The following RSL1D1 variants were observed in gnomAD, a reference collection of about 807,000 sequenced individuals.
RSL1D1 encodes the protein ribosomal L1 domain containing 1.
In RSL1D1, 34 loss-of-function variants were observed where a neutral mutation model predicts 44.6. That is an observed-to-expected ratio of 0.76 (90% CI 0.58 to 1.02). The LOEUF (loss-of-function observed/expected upper bound fraction) is 1.02. RSL1D1 is among the 50% of genes least tolerant of loss of function. The pLI is 0.00. For missense variants in RSL1D1, 767 were observed against 568.1 expected, an observed-to-expected ratio of 1.35 and a Z score of -3.56; for synonymous variants, 271 against 207.4, an observed-to-expected ratio of 1.31 and a Z score of -2.63.
At chr16:11,839,506 C>T (rs1338533056) in intron 8 of RSL1D1, among the ~76,000 whole-genome samples, 189 bp downstream of exon 8, 1 of 124,234 alleles carries the variant, frequency 8.0e-6, no homozygotes, top group Non-Finnish European at 1.6e-5. Context: ...CCGGTCTGGG[C>T]AATATAGCAA....
At position 11,851,481 on chromosome 16, in the gene RSL1D1, G is replaced by A. The variant is rs73509779; in HGVS notation, c.32C>T (p.Ser11Phe). ...GGTGGAGGTTCCAGTAGCGGCTGCA[G>A]AAGACAGCGAGGCCGAGGCCGAATC... Reference protein sequence around the residue: MEDSASASLSSAAATGTSTST... With the variant: MEDSASASLSFAAATGTSTST... The change falls in exon 1 of 9, where the codon TCT becomes TTT. Residue 11 changes from serine (S) to phenylalanine (F), a missense_variant. Physicochemically the swap from Ser to Phe is radical, Grantham distance 155. Coordinates refer to ENST00000571133, the MANE Select transcript of RSL1D1 (RefSeq NM_015659.3). 888 of 1,614,046 alleles carry A rather than the reference G, an allele frequency of 5.5e-4. 9 individuals are homozygous for A. The African/African-American group carries it at 0.01, about 19-fold the overall frequency.
Position 11,836,539 on chromosome 16 carries a change from A to C in RSL1D1, c.*1248T>G, listed in dbSNP as rs2053720537. ...ACTTGACAATTGTGGAAACGTTAGCAATCTACTCTTCCAAGATTCCTTGGA... is the reference window on the plus strand; with the variant it reads ...ACTTGACAATTGTGGAAACGTTAGCCATCTACTCTTCCAAGATTCCTTGGA... On this transcript the variant is annotated 3_prime_UTR_variant, in exon 9 of 9. Transcript: ENST00000571133. 2 of 152,250 alleles carry C rather than the reference A, an allele frequency of 1.3e-5. No individual in the cohort carries two copies. Among genetic ancestry groups the C allele is most frequent in the South Asian group, 4.1e-4 (2 of 4,834 alleles). The allele number at this position is 152,250 out of a possible 1,614,324, so 9.4% of individuals were successfully genotyped here.
rs369228817 is a variant in RSL1D1 at position 11,838,320 on chromosome 16, C to G, written c.1147-207G>C. Among the ~76,000 whole-genome samples the G allele has an allele frequency of 2.1e-4, 32 of 152,076 alleles. 2 individuals are homozygous for G. In the East Asian group the frequency reaches 3.3e-3, roughly 16 times the overall value. On this transcript the variant is annotated intron_variant, in intron 8 of 8. Transcript: ENST00000571133. ...GGTATTATAGGTGTGTGCCACCACG[C>G]CCGGCTCATTTTTTGTATTTTTAGT...
intron 5 of RSL1D1, among the ~76,000 whole-genome samples, chr16:11,845,905 G>C (rs2053794240): frequency 6.6e-6 from 1 of 151,676 alleles, no homozygotes; most frequent in African/African-American, 2.4e-5. Context: ...TGATTTTTCT[G>C]TAATTGGCTG....
At chr16:11,844,993 G>C (rs1305757518) in intron 5 of RSL1D1, among the ~76,000 whole-genome samples, 1 of 152,206 alleles carries the variant, frequency 6.6e-6, no homozygotes, top group Non-Finnish European at 1.5e-5. Flanking sequence ...GTAAGACTAG[G>C]TGTGGGGGCT....
chr16:11,851,528 T>G lies in RSL1D1; in HGVS notation c.-16A>C. 6.2e-7 allele frequency: 1 copy of G among 1,611,832 alleles called. No individual in the cohort carries two copies. The highest frequency in any genetic ancestry group is 1.7e-5 in the Admixed American group (1 of 59,986). On this transcript the variant is annotated 5_prime_UTR_variant, in exon 1 of 9. Transcript: ENST00000571133. ...AATCCTCCATCTTGTTTCCACCTCG[T>G]GAAGAGGCGCGTGTGCAACCCCACT...
intron 8 of RSL1D1, 44 bp from the exon 9 acceptor site, chr16:11,838,157 A>C (rs755272411): frequency 7.1e-7 from 1 of 1,415,516 alleles, no homozygotes; most frequent in Admixed American, 2.3e-5. Context: ...AAGCCACAAA[A>C]CCTGACACTC....
rs201234606 is a variant in RSL1D1, at chr16:11,840,049, G to C, written c.856-64C>G. The C allele has an allele frequency of 6.4e-6, 10 of 1,564,178 alleles. No homozygotes were observed. The Admixed American group carries it at 1.7e-4, about 27-fold the overall frequency. ...GTTCTGTTGGTTAACAAACGGCATAGATGTACCACGTGCAGTTTTGATTAT... is the reference window on the plus strand; with the variant it reads ...GTTCTGTTGGTTAACAAACGGCATACATGTACCACGTGCAGTTTTGATTAT... On this transcript the variant is annotated intron_variant, in intron 7 of 8. Transcript: ENST00000571133.
chr16:11,847,749 A>G lies in RSL1D1; in HGVS notation c.303T>C (p.Asp101=), dbSNP rs2053809449. 6.2e-7 allele frequency: 1 copy of G among 1,613,306 alleles called. No individual in the cohort carries two copies. Among genetic ancestry groups the G allele is most frequent in the Non-Finnish European group, 8.5e-7 (1 of 1,179,302 alleles). ...TCTTTTCAGGAGTTGAATTGGGTTC[A>G]TCCTTCGTAAATAAACAGATATCTT... ...DSEDICLFTK[D]EPNSTPEKTE... is the part of the protein sequence containing the mutation. The change falls in exon 3 of 9, where the codon GAT becomes GAC. Residue 101 remains aspartate (D), a synonymous_variant. Transcript: ENST00000571133.
In RSL1D1 at chr16:11,848,590, T is replaced by C. The variant is rs143421191; in HGVS notation, c.246-784A>G. ...CCAAGGCTGCAGTGCAGTGGTGTGATCATAGCTCACGATAGCCTCCAGCAT... is the reference window on the plus strand; with the variant it reads ...CCAAGGCTGCAGTGCAGTGGTGTGACCATAGCTCACGATAGCCTCCAGCAT... On this transcript the variant is annotated intron_variant, in intron 2 of 8. Coordinates refer to ENST00000571133, the MANE Select transcript of RSL1D1 (RefSeq NM_015659.3). Among the ~76,000 whole-genome samples the C allele has an allele frequency of 2.0e-3, 301 of 152,276 alleles. 3 individuals are homozygous for C. In the Middle Eastern group the frequency reaches 0.034, roughly 17 times the overall value.
chr16:11,838,799 G>A (rs1056133978), intron 8 of RSL1D1, among the ~76,000 whole-genome samples: 5 of 149,572 alleles, frequency 3.3e-5, no homozygotes, highest in Non-Finnish European at 7.4e-5. Context: ...GGAGGTTGCT[G>A]TGAGCCGAGA....
chr16:11,850,451 T>C, intron 1 of RSL1D1, 33 bp from the exon 2 acceptor site: 2 of 1,584,134 alleles, frequency 1.3e-6, no homozygotes, highest in Non-Finnish European at 1.7e-6. Flanking sequence ...ATAAGTGAAA[T>C]GTTTTCACAA....
intron 8 of RSL1D1, 133 bp downstream of exon 8, chr16:11,839,559 CATG>C (rs201285756): frequency 0.053 from 32,509 of 619,142 alleles, 632 homozygotes; most frequent in Non-Finnish European, 0.062. Flanking sequence ...TACAATAAAT[CATG>C]ATATGATAAC....
intron 5 of RSL1D1, among the ~76,000 whole-genome samples, chr16:11,843,322 C>G (rs1160225691): frequency 1.3e-5 from 2 of 151,822 alleles, no homozygotes; most frequent in African/African-American, 4.8e-5. Context: ...CCACCTGCCA[C>G]GGTCTCCCAA....
chr16:11,851,215 G>A (rs1457731636), intron 1 of RSL1D1, 193 bp downstream of exon 1: 3 of 640,796 alleles, frequency 4.7e-6, no homozygotes, highest in East Asian at 2.8e-5. Context: ...CTAGCGCCAG[G>A]CCGCAGGACC....
At chr16:11,846,167 C>T (rs1596441793) in intron 5 of RSL1D1, among the ~76,000 whole-genome samples, 1 of 151,402 alleles carries the variant, frequency 6.6e-6, no homozygotes, top group Non-Finnish European at 1.5e-5. Flanking sequence ...CCAAGGCGGG[C>T]GGATCATGAG....
In RSL1D1 at chr16:11,837,128, C is replaced by T. The variant is rs1224898655; in HGVS notation, c.*659G>A. The T allele has an allele frequency of 1.3e-5, 2 of 152,130 alleles. No homozygotes were observed. Among genetic ancestry groups the T allele is most frequent in the African/African-American group, 4.8e-5 (2 of 41,418 alleles). The allele number at this position is 152,130 out of a possible 1,614,324, so 9.4% of individuals were successfully genotyped here. ...AGCTGGGAGCACAGATGCATGCCAC[C>T]ATGCCACACTAATTTTTTTTTTTCT... On this transcript the variant is annotated 3_prime_UTR_variant, in exon 9 of 9. Coordinates refer to ENST00000571133, the MANE Select transcript of RSL1D1 (RefSeq NM_015659.3).
chr16:11,838,008 C>T lies in RSL1D1; in HGVS notation c.1252G>A (p.Ala418Thr). ...TTCCCTGGGGTCTCAGACTCTGCAG[C>T]TTTTGGGGTCTCAGATGCTGGCAAA... Reference protein sequence around the residue: ...KALPASETPKAAESETPGKSP... With the variant: ...KALPASETPKTAESETPGKSP... Residue 418 changes from alanine to threonine, a missense_variant, in exon 9 of 9, where the codon GCT becomes ACT. Coordinates refer to ENST00000571133, the MANE Select transcript of RSL1D1 (RefSeq NM_015659.3). 1 of 1,613,968 alleles carries T rather than the reference C, an allele frequency of 6.2e-7. No homozygotes were observed. The highest frequency in any genetic ancestry group is 8.5e-7 in the Non-Finnish European group (1 of 1,180,010).
chr16:11,840,924 C>G (rs1030848246), intron 7 of RSL1D1, among the ~76,000 whole-genome samples: 1 of 152,190 alleles, frequency 6.6e-6, no homozygotes, highest in African/African-American at 2.4e-5. Flanking sequence ...CTCCAGCCAC[C>G]TACAACCGTG....
Sources: allele counts gnomAD v4.1 joint callset (sites outside exome capture counted in the v4.1 genomes callset), GRCh38; gene constraint gnomAD v4.1.1; transcripts MANE v1.5; gene names NCBI Gene and HGNC (gene_info 2026-07-23, HGNC 2026-07-21).